Variants in SYT2 observed in about 807,000 individuals in gnomAD.
The protein encoded by SYT2 is synaptotagmin-2.
In SYT2, 15 loss-of-function variants were observed where a neutral mutation model predicts 39.9. The observed-to-expected ratio is 0.38, with a 90% CI of 0.25 to 0.58. The LOEUF is 0.58. Ranked by LOEUF, SYT2 falls within the 20% of genes least tolerant of loss-of-function variation. The probability of loss-of-function intolerance (pLI) is 0.70; values close to 1 mark genes in which losing one functional copy is unlikely to be tolerated. For missense variants in SYT2, 389 were observed against 530.3 expected, an observed-to-expected ratio of 0.73 and a Z score of 2.62; for synonymous variants, 181 against 204.5, an observed-to-expected ratio of 0.89 and a Z score of 0.98.
chr1:202,657,225 G>A (rs1020600179), intron 1 of SYT2, among the ~76,000 whole-genome samples: 2 of 152,162 alleles, frequency 1.3e-5, no homozygotes, highest in African/African-American at 4.8e-5. Flanking sequence ...TCCAGTCTCT[G>A]GCACAGCCAG....
chr1:202,601,260 G>A lies in SYT2; in HGVS notation c.801+630C>T, dbSNP rs1307810679. Reference sequence around the variant, plus strand: ...ATCACACAGGTCCTGGTTCAGGTGTGCTGGCCTTCCTCCCAGGCACAGGGG... The same window carrying A: ...ATCACACAGGTCCTGGTTCAGGTGTACTGGCCTTCCTCCCAGGCACAGGGG... On this transcript the variant is annotated intron_variant, in intron 6 of 8. Coordinates refer to ENST00000367268, the MANE Select transcript of SYT2 (RefSeq NM_177402.5). This position sits in a 1 kb window ranked among gnomAD's most constrained non-coding sequence, Gnocchi z 4.0. Among the ~76,000 whole-genome samples the A allele has an allele frequency of 1.3e-5, 2 of 152,198 alleles. No individual in the cohort carries two copies. The highest frequency in any genetic ancestry group is 2.9e-5 in the Non-Finnish European group (2 of 68,048).
chr1:202,694,981 G>A (rs555902649), intron 1 of SYT2, among the ~76,000 whole-genome samples: 19 of 152,154 alleles, frequency 1.2e-4, no homozygotes, highest in African/African-American at 3.9e-4. Flanking sequence ...TCTTCTCTGC[G>A]GAAGGTCTCA....
At chr1:202,659,152 AC>A (rs1454741908) in intron 1 of SYT2, among the ~76,000 whole-genome samples, 1 of 152,088 alleles carries the variant, frequency 6.6e-6, no homozygotes, top group African/African-American at 2.4e-5. Context: ...GAAATTGACC[AC>A]CCTGTCTCCT....
At position 202,591,615 on chromosome 1, in the gene SYT2, G is replaced by A. The variant is rs1284833695; in HGVS notation, c.*5142C>T. 6.5e-6 allele frequency: 1 copy of A among 152,688 alleles called. No individual in the cohort carries two copies. The highest frequency in any genetic ancestry group is 1.5e-5 in the Non-Finnish European group (1 of 68,412). The allele number at this position is 152,688 out of a possible 1,614,324, so 9.5% of individuals were successfully genotyped here. A position where few individuals can be genotyped will look rare whatever the true frequency, so the allele number is the denominator to read the frequency against. On this transcript the variant is annotated 3_prime_UTR_variant, in exon 9 of 9. Coordinates refer to ENST00000367268, the MANE Select transcript of SYT2 (RefSeq NM_177402.5). ...TCAGGGGATCGCTGGTAGCCCTGAG[G>A]TTGCCCCGCTATTGGGCTGCTTTCT...
intron 1 of SYT2, among the ~76,000 whole-genome samples, chr1:202,679,927 C>T (rs1329204951): frequency 6.6e-6 from 1 of 152,130 alleles, no homozygotes; most frequent in South Asian, 2.1e-4. Context: ...CTTTCTCTGC[C>T]GAGAATGCCC....
intron 1 of SYT2, among the ~76,000 whole-genome samples, chr1:202,672,009 C>A: frequency 6.6e-6 from 1 of 152,158 alleles, no homozygotes; most frequent in Non-Finnish European, 1.5e-5. Context: ...AAAGAACTGT[C>A]AGGAACAACA....
At chr1:202,703,700 G>A (rs1028365209) in intron 1 of SYT2, among the ~76,000 whole-genome samples, 1 of 151,944 alleles carries the variant, frequency 6.6e-6, no homozygotes, top group African/African-American at 2.4e-5. Flanking sequence ...TGCTGGGCTC[G>A]CCCTAACCCT....
intron 1 of SYT2, among the ~76,000 whole-genome samples, chr1:202,607,861 A>C (rs1050608727): frequency 1.3e-4 from 20 of 150,808 alleles, no homozygotes; most frequent in Admixed American, 3.3e-4. Context: ...CTTCTACCAC[A>C]CTGTTCAGGG....
chr1:202,599,127 G>A lies in SYT2; in HGVS notation c.1053+91C>T. The A allele has an allele frequency of 6.5e-7, 1 of 1,533,904 alleles. No individual in the cohort carries two copies. Among genetic ancestry groups the A allele is most frequent in the Non-Finnish European group, 8.8e-7 (1 of 1,138,516 alleles). On this transcript the variant is annotated intron_variant, in intron 8 of 8. Coordinates refer to ENST00000367268, the MANE Select transcript of SYT2 (RefSeq NM_177402.5). This position sits in a 1 kb window ranked among gnomAD's most constrained non-coding sequence, Gnocchi z 4.4. ...CCCTACCAAGAAAGGCTGTTCCATG[G>A]TCTCTAGGTGAGTTCCCTCTCTTCA...
chr1:202,643,965 G>A (rs1320712142), intron 1 of SYT2, among the ~76,000 whole-genome samples: 2 of 152,368 alleles, frequency 1.3e-5, no homozygotes, highest in Non-Finnish European at 1.5e-5. Context: ...CCTGCGGGCA[G>A]GGGTGGGAGG....
intron 7 of SYT2, among the ~76,000 whole-genome samples, chr1:202,600,099 G>C (rs1391268194): frequency 1.3e-5 from 2 of 152,254 alleles, no homozygotes; most frequent in East Asian, 3.9e-4. Context: ...ACTTATCTGG[G>C]GATGAAATTT....
intron 4 of SYT2, 38 bp downstream of exon 4, chr1:202,602,961 C>A (rs1690566076): frequency 6.4e-6 from 10 of 1,567,706 alleles, no homozygotes; most frequent in Non-Finnish European, 8.6e-6. Context: ...CAGGCCTCTC[C>A]CCATTCCCCC....
At chr1:202,682,262 G>A (rs969604685) in intron 1 of SYT2, among the ~76,000 whole-genome samples, 7 of 152,208 alleles carry the variant, frequency 4.6e-5, no homozygotes, top group African/African-American at 1.7e-4. Flanking sequence ...GGCAGAGCAT[G>A]ATGGGTTGGC....
chr1:202,685,080 G>A (rs1653628581), intron 1 of SYT2, among the ~76,000 whole-genome samples: 2 of 152,190 alleles, frequency 1.3e-5, no homozygotes, highest in Admixed American at 1.3e-4. Context: ...GTGGTCGCCT[G>A]TGAGGGGAAG....
intron 1 of SYT2, among the ~76,000 whole-genome samples, chr1:202,707,651 A>T (rs1364745494): frequency 3.3e-5 from 5 of 152,140 alleles, no homozygotes; most frequent in Admixed American, 6.5e-5. Context: ...CTCTGTCCTC[A>T]CTGCCTTCTG....
In SYT2 at chr1:202,599,483, G is replaced by C; in HGVS notation, c.920-132C>G. On this transcript the variant is annotated intron_variant, in intron 7 of 8. Transcript: ENST00000367268. This position sits in a 1 kb window ranked among gnomAD's most constrained non-coding sequence, Gnocchi z 4.4. ...TCCGCTGAGACCAGGCCCTCAGAAA[G>C]CCCCAAGTCATGCCATCCAGTTCAA... 1 of 1,067,364 alleles carries C rather than the reference G, an allele frequency of 9.4e-7. No individual in the cohort carries two copies. The highest frequency in any genetic ancestry group is 2.9e-5 in the Admixed American group (1 of 34,978). 66.1% of individuals were successfully genotyped at this position (1,067,364 alleles called of 1,614,324 possible). A position where few individuals can be genotyped will look rare whatever the true frequency, so the allele number is the denominator to read the frequency against.
chr1:202,700,027 T>C (rs893065231), intron 1 of SYT2, among the ~76,000 whole-genome samples: 1 of 152,070 alleles, frequency 6.6e-6, no homozygotes, highest in Non-Finnish European at 1.5e-5. Flanking sequence ...AGAACCTCAA[T>C]AGGCAAGGCA....
rs563968153 is a variant in SYT2 at position 202,667,717 on chromosome 1, T to A, written c.-18+42541A>T. On this transcript the variant is annotated intron_variant, in intron 1 of 8. Coordinates refer to ENST00000367268, the MANE Select transcript of SYT2 (RefSeq NM_177402.5). ...CTTTTATTTTTATTTTATTTTATTT[T>A]ATTTATTTATTTTGAGATGGAGTCT... 2.0e-4 allele frequency among the ~76,000 whole-genome samples: 31 copies of A among 152,076 alleles called. 1 individual carries two copies. The South Asian group carries it at 6.4e-3, about 32-fold the overall frequency.
intron 1 of SYT2, among the ~76,000 whole-genome samples, chr1:202,667,376 C>G (rs1046964137): frequency 6.6e-6 from 1 of 152,112 alleles, no homozygotes; most frequent in Non-Finnish European, 1.5e-5. Flanking sequence ...TGTGGCTGAA[C>G]CTACCCAGAA....
Sources: gnomAD v4.1 joint callset for allele counts (sites outside exome capture counted in the v4.1 genomes callset) on GRCh38, gnomAD v4.1.1 for gene constraint, Gnocchi (gnomAD v3.1) non-coding constraint, MANE v1.5 for transcripts, NCBI Gene and HGNC (gene_info 2026-07-23, HGNC 2026-07-21) for gene names.